OLFM3: variants seen among roughly 807,000 people sequenced by gnomAD.
OLFM3 encodes the protein olfactomedin 3, also known as noelin-3.
A neutral mutation model predicts 48.6 loss-of-function variants in OLFM3; 20 were observed. That is an observed-to-expected ratio of 0.41 (90% CI 0.29 to 0.60). The LOEUF is 0.60. Among genes scored for constraint, OLFM3 ranks in the 20% least tolerant of loss-of-function variants. OLFM3 has a pLI of 0.28. For missense variants in OLFM3, 437 were observed against 544.3 expected (o/e 0.80, Z 1.96); for synonymous variants, 222 against 198.1 (o/e 1.12, Z -1.01).
chr1:101,941,538 T>G lies in OLFM3; in HGVS notation c.69+55210A>C, dbSNP rs570897878. 3.9e-5 allele frequency among the ~76,000 whole-genome samples: 6 copies of G among 152,154 alleles called. No individual in the cohort carries two copies. The South Asian group carries it at 6.2e-4, about 16-fold the overall frequency. On this transcript the variant is annotated intron_variant, in intron 1 of 5. Coordinates refer to ENST00000370103, the MANE Select transcript of OLFM3 (RefSeq NM_058170.4). ...AATGAAGCTGGTGAGACAGTACAATTTTAAGTTATTTCTGTTACCCTACTT... is the reference window on the plus strand; with the variant it reads ...AATGAAGCTGGTGAGACAGTACAATGTTAAGTTATTTCTGTTACCCTACTT...
chr1:101,978,881 T>C lies in OLFM3; in HGVS notation c.69+17867A>G, dbSNP rs377503166. Among the ~76,000 whole-genome samples the C allele has an allele frequency of 3.9e-5, 6 of 152,300 alleles. No homozygotes were observed. The South Asian group carries it at 6.2e-4, about 16-fold the overall frequency. On this transcript the variant is annotated intron_variant, in intron 1 of 5. Transcript: ENST00000370103. The stretch of plus-strand genomic sequence containing the variant: ...TAAAGTTAACATTTTTCTTCCTCTA[T>C]GTTTGTTGGATAATTAGACATTGTA...
intron 4 of OLFM3, chr1:101,812,946 C>T: frequency 2.0e-6 from 2 of 1,009,410 alleles, no homozygotes; most frequent in Non-Finnish European, 2.4e-6. Context: ...ACAATAGTTA[C>T]TATTTAAAGA....
At chr1:101,830,633 T>A (rs375744097) in intron 3 of OLFM3, 39 bp downstream of exon 3, 498 of 1,610,596 alleles carry the variant, frequency 3.1e-4, no homozygotes, top group Non-Finnish European at 4.1e-4. Flanking sequence ...CCACTCCATG[T>A]CTGATTTGGA....
intron 1 of OLFM3, among the ~76,000 whole-genome samples, chr1:101,887,149 C>T (rs538950679): frequency 3.1e-4 from 47 of 151,158 alleles, no homozygotes; most frequent in Non-Finnish European, 5.5e-4. Flanking sequence ...TGTATAACCT[C>T]CTGGTGAGTG....
chr1:101,823,793 G>A (rs967041127), intron 4 of OLFM3, among the ~76,000 whole-genome samples: 2 of 151,994 alleles, frequency 1.3e-5, no homozygotes, highest in Non-Finnish European at 2.9e-5. Flanking sequence ...CTGTGTTTGA[G>A]GAGGAATAAA....
In OLFM3 at chr1:101,804,556, T is replaced by G. The variant is rs1653668162; in HGVS notation, c.1059A>C (p.Gln353His). ...NQNAGNIVISQLNQDTLEVMK... is the reference protein window; with the variant it reads ...NQNAGNIVISHLNQDTLEVMK... ...TCACCTCCAAGGTATCTTGGTTAAG[T>G]TGGCTGATGACAATATTGCCTGCAT... is the stretch of plus-strand genomic sequence containing the variant. Residue 353 changes from glutamine (Q) to histidine (H), a missense_variant, in exon 6 of 6, where the codon CAA (glutamine) becomes CAC (histidine). Physicochemically the swap from Gln to His is conservative, Grantham distance 24. Around this residue, in one of 3 missense-constraint regions of OLFM3, gnomAD observed 108 missense variants for 135.8 expected, o/e 0.80. Coordinates refer to ENST00000370103, the MANE Select transcript of OLFM3 (RefSeq NM_058170.4). This position sits in a 1 kb window ranked among gnomAD's most constrained non-coding sequence, Gnocchi z 4.5. 6.2e-7 allele frequency: 1 copy of G among 1,612,670 alleles called. No individual in the cohort carries two copies. The highest frequency in any genetic ancestry group is 8.5e-7 in the Non-Finnish European group (1 of 1,179,166).
At chr1:101,882,316 CAT>C (rs1177975157) in intron 1 of OLFM3, among the ~76,000 whole-genome samples, 1,733 of 114,952 alleles carry the variant, frequency 0.015, 20 homozygotes, top group Non-Finnish European at 0.023. Context: ...AATATAAGTG[CAT>C]ATATATATAT....
chr1:101,881,000 T>C (rs904685664), intron 1 of OLFM3, among the ~76,000 whole-genome samples: 4 of 151,790 alleles, frequency 2.6e-5, no homozygotes, highest in Non-Finnish European at 5.9e-5. Flanking sequence ...ATCTGAAAAA[T>C]AAAATATGCA....
intron 1 of OLFM3, among the ~76,000 whole-genome samples, chr1:101,844,257 A>G (rs1655875578): frequency 6.6e-6 from 1 of 152,190 alleles, no homozygotes; most frequent in Admixed American, 6.5e-5. Flanking sequence ...TGGTTATGAC[A>G]TAATTGAGAG....
At chr1:101,885,850 C>T (rs931378503) in intron 1 of OLFM3, among the ~76,000 whole-genome samples, 2 of 152,082 alleles carry the variant, frequency 1.3e-5, no homozygotes, top group African/African-American at 4.8e-5. Flanking sequence ...ATTGGTACAT[C>T]TTCCAGTCAA....
At chr1:101,812,572 A>G in intron 4 of OLFM3, 1 of 985,500 alleles carries the variant, frequency 1.0e-6, no homozygotes, top group Non-Finnish European at 1.2e-6. Context: ...TCATACCATG[A>G]GCCTTATCTA....
chr1:101,960,148 C>A (rs187649690), intron 1 of OLFM3, among the ~76,000 whole-genome samples: 6 of 152,210 alleles, frequency 3.9e-5, no homozygotes, highest in Admixed American at 2.0e-4. Context: ...ACCAAAAGCA[C>A]TAGCAAAAAC....
At chr1:101,938,072 A>G (rs1202305411) in intron 1 of OLFM3, among the ~76,000 whole-genome samples, 1 of 152,200 alleles carries the variant, frequency 6.6e-6, no homozygotes. Flanking sequence ...TGTGAGATAT[A>G]GCAAATTTAA....
At chr1:101,989,359 C>A (rs1200608412) in intron 1 of OLFM3, among the ~76,000 whole-genome samples, 1 of 152,014 alleles carries the variant, frequency 6.6e-6, no homozygotes, top group African/African-American at 2.4e-5. Flanking sequence ...ATTATTTCAG[C>A]AACATTTTTG....
rs1029294747 is a variant in OLFM3 at position 101,869,319 on chromosome 1, G to A, written c.70-32294C>T. 2.0e-5 allele frequency among the ~76,000 whole-genome samples: 3 copies of A among 152,178 alleles called. No homozygotes were observed. The South Asian group carries it at 6.2e-4, about 32-fold the overall frequency. On this transcript the variant is annotated intron_variant, in intron 1 of 5. Coordinates refer to ENST00000370103, the MANE Select transcript of OLFM3 (RefSeq NM_058170.4). ...CCACCTCTTACATTAGTGTCCCCTG[G>A]ATGTGAAACATGCAGTCAAAGGTGA... is the stretch of plus-strand genomic sequence containing the variant.
At chr1:101,853,502 TCTCCA>T (rs1359070654) in intron 1 of OLFM3, among the ~76,000 whole-genome samples, 1 of 152,098 alleles carries the variant, frequency 6.6e-6, no homozygotes, top group Non-Finnish European at 1.5e-5. Flanking sequence ...TATTATGTTT[TCTCCA>T]CTAGAAATCA....
rs553129706 is a variant in OLFM3, at chr1:101,904,528, T to G, written c.70-67503A>C. The stretch of plus-strand genomic sequence containing the variant: ...TAACTTTTAAGTAACTTGGAGTATA[T>G]TGTTTATCCTTTAATATGTGGAGGG... On this transcript the variant is annotated intron_variant, in intron 1 of 5. Coordinates refer to ENST00000370103, the MANE Select transcript of OLFM3 (RefSeq NM_058170.4). Among the ~76,000 whole-genome samples the G allele has an allele frequency of 1.2e-4, 18 of 152,212 alleles. No individual in the cohort carries two copies. The South Asian group carries it at 3.7e-3, about 32-fold the overall frequency.
chr1:101,927,360 C>A (rs1659303916), intron 1 of OLFM3, among the ~76,000 whole-genome samples: 1 of 151,898 alleles, frequency 6.6e-6, no homozygotes. Context: ...AAAAATAATC[C>A]ATTCAAACAT....
chr1:101,933,070 C>T (rs910015857), intron 1 of OLFM3, among the ~76,000 whole-genome samples: 6 of 151,416 alleles, frequency 4.0e-5, no homozygotes, highest in African/African-American at 9.7e-5. Flanking sequence ...GGCATTGTGG[C>T]GGGCACCTGT....
Sources: gnomAD v4.1 joint callset for allele counts (sites outside exome capture counted in the v4.1 genomes callset) on GRCh38, gnomAD v4.1.1 for gene constraint, gnomAD v4.1.1 regional missense constraint, Gnocchi (gnomAD v3.1) non-coding constraint, MANE v1.5 for transcripts, NCBI Gene and HGNC (gene_info 2026-07-23, HGNC 2026-07-21) for gene names.